Variants in KITLG observed in about 807,000 individuals in gnomAD.
KITLG encodes the protein KIT ligand, also known as c-Kit ligand.
Under a neutral mutation model 34.1 loss-of-function variants are expected in KITLG, and 13 were observed. That is an observed-to-expected ratio of 0.38 (90% CI 0.25 to 0.61). The LOEUF is 0.61. KITLG is among the 20% of genes least tolerant of loss of function. The pLI, the probability that KITLG is intolerant of heterozygous loss-of-function variation, is 0.60. For synonymous variants in KITLG, 110 were observed against 104.0 expected, an observed-to-expected ratio of 1.06 and a Z score of -0.35; for missense variants, 292 against 318.9, an observed-to-expected ratio of 0.92 and a Z score of 0.64.
At chr12:88,553,584 C>T (rs964338666) in intron 1 of KITLG, among the ~76,000 whole-genome samples, 3 of 152,144 alleles carry the variant, frequency 2.0e-5, no homozygotes, top group Non-Finnish European at 4.4e-5. Flanking sequence ...ATTGTATAGA[C>T]ACATATCGTC....
intron 2 of KITLG, among the ~76,000 whole-genome samples, chr12:88,540,329 AC>A (rs575971627): frequency 2.4e-4 from 37 of 152,256 alleles, no homozygotes; most frequent in African/African-American, 8.7e-4. Context: ...TCAAACCTCT[AC>A]TCAACTATTT....
intron 1 of KITLG, among the ~76,000 whole-genome samples, chr12:88,572,294 G>A (rs1296050556): frequency 6.6e-6 from 1 of 151,670 alleles, no homozygotes; most frequent in Non-Finnish European, 1.5e-5. Context: ...CATTATATAA[G>A]GATTTGCTAG....
chr12:88,578,813 G>A (rs902469437), intron 1 of KITLG, among the ~76,000 whole-genome samples: 3 of 152,178 alleles, frequency 2.0e-5, no homozygotes, highest in Admixed American at 1.3e-4. Flanking sequence ...CTATAAGAAG[G>A]AATAGGTCTC....
intron 6 of KITLG, among the ~76,000 whole-genome samples, chr12:88,512,572 G>C (rs1186369238): frequency 6.6e-6 from 1 of 151,778 alleles, no homozygotes; most frequent in Non-Finnish European, 1.5e-5. Context: ...TAAATACAAA[G>C]AAAACCACTC....
chr12:88,545,266 C>T (rs11830019), intron 2 of KITLG, among the ~76,000 whole-genome samples: 2 of 152,200 alleles, frequency 1.3e-5, no homozygotes, highest in Non-Finnish European at 1.5e-5. Context: ...TCTCTATGTT[C>T]CCTGAAGGAG....
rs10506953 is a variant in KITLG at position 88,506,469 on chromosome 12, G to T, written c.715-91C>A. 79,085 of 884,492 alleles carry T rather than the reference G, an allele frequency of 0.089. 3,916 individuals carry two copies. The highest frequency in any genetic ancestry group is 0.1 in the Non-Finnish European group (53,593 of 521,870). 54.8% of individuals were successfully genotyped at this position (884,492 alleles called of 1,614,324 possible). ...GTGGACTCCACTTTTATCTTTTATG[G>T]CAATAACTCCAATAACAGTTTTTTC... On this transcript the variant is annotated intron_variant, in intron 7 of 9. Transcript: ENST00000644744.
chr12:88,527,260 G>T (rs1375300644), intron 3 of KITLG, among the ~76,000 whole-genome samples: 2 of 152,078 alleles, frequency 1.3e-5, no homozygotes, highest in African/African-American at 4.8e-5. Flanking sequence ...TAAAGAAACA[G>T]GAATGAAATG....
At chr12:88,500,217 A>C (rs928075434) in intron 9 of KITLG, among the ~76,000 whole-genome samples, 2 of 152,174 alleles carry the variant, frequency 1.3e-5, no homozygotes, top group Non-Finnish European at 2.9e-5. Flanking sequence ...TGCTACCTCC[A>C]CCACTTACAA....
chr12:88,572,960 C>T lies in KITLG; in HGVS notation c.15+7304G>A, dbSNP rs919358617. On this transcript the variant is annotated intron_variant, in intron 1 of 9. Coordinates refer to ENST00000644744, the MANE Select transcript of KITLG (RefSeq NM_000899.5). Reference sequence around the variant, plus strand: ...GGAATACAGCAGTTTTCTAAAGTTGCGAGAAATCCAAACTAAAGCAATCAC... The same window carrying T: ...GGAATACAGCAGTTTTCTAAAGTTGTGAGAAATCCAAACTAAAGCAATCAC... Among the ~76,000 whole-genome samples the T allele has an allele frequency of 1.6e-4, 24 of 152,138 alleles. 1 individual carries two copies. The highest frequency in any genetic ancestry group is 6.8e-3 in the Middle Eastern group (2 of 294).
chr12:88,519,807 A>G (rs1869592551), intron 3 of KITLG, among the ~76,000 whole-genome samples: 1 of 152,042 alleles, frequency 6.6e-6, no homozygotes, highest in Admixed American at 6.6e-5. Context: ...ATTTTTTTAT[A>G]TAAATGGGAT....
intron 1 of KITLG, among the ~76,000 whole-genome samples, chr12:88,553,244 T>C (rs1406691584): frequency 1.3e-5 from 2 of 152,196 alleles, no homozygotes; most frequent in African/African-American, 2.4e-5. Context: ...TGTTCCAATA[T>C]ATCAACAAAA....
chr12:88,577,120 A>G (rs1871853028), intron 1 of KITLG, among the ~76,000 whole-genome samples: 1 of 152,188 alleles, frequency 6.6e-6, no homozygotes, highest in African/African-American at 2.4e-5. Context: ...TTCCAAATTG[A>G]GTGATCTTAA....
intron 1 of KITLG, among the ~76,000 whole-genome samples, chr12:88,568,313 ATTTATTTAT>A: frequency 1.7e-5 from 1 of 58,922 alleles, no homozygotes; most frequent in Admixed American, 2.3e-4. Context: ...TTATTTATTT[ATTTATTTAT>A]TTTATTTATA....
chr12:88,503,626 C>T (rs534434523), intron 9 of KITLG, among the ~76,000 whole-genome samples: 8 of 152,198 alleles, frequency 5.3e-5, no homozygotes, highest in South Asian at 2.1e-4. Flanking sequence ...TGGGTCTTCC[C>T]GCAACAGTAT....
intron 1 of KITLG, among the ~76,000 whole-genome samples, chr12:88,553,700 T>C (rs1871002695): frequency 6.6e-6 from 1 of 152,170 alleles, no homozygotes; most frequent in Non-Finnish European, 1.5e-5. Context: ...TGCTAAATGT[T>C]GCCTTCAAAT....
intron 6 of KITLG, among the ~76,000 whole-genome samples, chr12:88,510,763 T>G (rs1035518957): frequency 6.6e-6 from 1 of 152,166 alleles, no homozygotes; most frequent in African/African-American, 2.4e-5. Context: ...TAATAAGTTT[T>G]CATATGCCCT....
intron 6 of KITLG, among the ~76,000 whole-genome samples, chr12:88,514,125 T>A (rs904587279): frequency 2.6e-4 from 39 of 151,744 alleles, no homozygotes; most frequent in Admixed American, 2.5e-3. Context: ...TGACAAATAT[T>A]TAGAAAAATA....
chr12:88,548,177 C>T (rs999458947), intron 1 of KITLG, among the ~76,000 whole-genome samples: 4 of 152,038 alleles, frequency 2.6e-5, no homozygotes, highest in South Asian at 2.1e-4. Flanking sequence ...TTAGGTTGGC[C>T]GGGCGTGGTG....
intron 1 of KITLG, among the ~76,000 whole-genome samples, chr12:88,557,391 G>C (rs957595125): frequency 1.3e-5 from 2 of 152,086 alleles, no homozygotes; most frequent in African/African-American, 4.8e-5. Flanking sequence ...TAGTAACAAT[G>C]GTTTAAAAAG....
Sources: allele counts gnomAD v4.1 joint callset (sites outside exome capture counted in the v4.1 genomes callset), GRCh38; gene constraint gnomAD v4.1.1; transcripts MANE v1.5; gene names NCBI Gene and HGNC (gene_info 2026-07-23, HGNC 2026-07-21).